WWP1: variants seen among roughly 807,000 people sequenced by gnomAD.
The protein encoded by WWP1 is NEDD4-like E3 ubiquitin-protein ligase WWP1.
In WWP1, 49 loss-of-function variants were observed where a neutral mutation model predicts 130.6. That is an observed-to-expected ratio of 0.38 (90% confidence interval 0.30 to 0.48). The LOEUF (loss-of-function observed/expected upper bound fraction) is 0.48, where lower values mean the gene tolerates loss of function less well. Among genes scored for constraint, WWP1 ranks in the 20% least tolerant of loss-of-function variants. The probability of loss-of-function intolerance (pLI) is 0.99; values close to 1 mark genes in which losing one functional copy is unlikely to be tolerated. For synonymous variants in WWP1, 332 were observed against 367.8 expected (o/e 0.90, Z 1.11); for missense variants, 809 against 1,100.6 (o/e 0.74, Z 3.75).
chr8:86,387,144 C>G (rs1825331150), intron 5 of WWP1: 1 of 152,188 alleles, frequency 6.6e-6, no homozygotes, highest in South Asian at 2.1e-4. Context: ...CAGACTGAAG[C>G]AGAGGTGGTC....
chr8:86,459,142 G>A (rs1387136914), intron 22 of WWP1, among the ~76,000 whole-genome samples: 4 of 139,752 alleles, frequency 2.9e-5, no homozygotes, highest in South Asian at 2.4e-4. Context: ...TGATTCTCCC[G>A]CCTCAGCACC....
chr8:86,466,954 A>G lies in WWP1; in HGVS notation c.*61A>G. On this transcript the variant is annotated 3_prime_UTR_variant, in exon 25 of 25. Transcript: ENST00000517970. ...AAATACCCCAGCCAAGAAAAATTGC[A>G]CAGATAGTGTATATAAGCTGTTCAT... 2.4e-6 allele frequency: 3 copies of G among 1,263,244 alleles called. No individual in the cohort carries two copies. The South Asian group carries it at 3.7e-5, about 16-fold the overall frequency. The allele number at this position is 1,263,244 out of a possible 1,614,324, so 78.3% of individuals were successfully genotyped here.
rs78014582 is a variant in WWP1 at position 86,413,418 on chromosome 8, C to G, written c.1061+1544C>G. Among the ~76,000 whole-genome samples, 388 of 152,190 alleles carry G rather than the reference C, an allele frequency of 2.5e-3. 5 individuals carry two copies. In the East Asian group the frequency reaches 0.064, roughly 25 times the overall value. Reference sequence around the variant, plus strand: ...GAGGGGAAGAGAAGTAGACAATCAGCCAGCATACAGTACAATTAAAGCTAT... The same window carrying G: ...GAGGGGAAGAGAAGTAGACAATCAGGCAGCATACAGTACAATTAAAGCTAT... On this transcript the variant is annotated intron_variant, in intron 9 of 24. Transcript: ENST00000517970.
intron 1 of WWP1, among the ~76,000 whole-genome samples, chr8:86,358,907 A>G (rs1016311215): frequency 6.6e-6 from 1 of 152,118 alleles, no homozygotes; most frequent in Non-Finnish European, 1.5e-5. Flanking sequence ...AGAGATAGAG[A>G]AAAAAACATG....
At chr8:86,401,903 TAAAA>T (rs1808001049) in intron 7 of WWP1, 112 bp from the exon 8 acceptor site, 1 of 1,095,220 alleles carries the variant, frequency 9.1e-7, no homozygotes. Context: ...TAAAAAATTT[TAAAA>T]AAGAAATAAC....
intron 5 of WWP1, among the ~76,000 whole-genome samples, chr8:86,397,121 T>A (rs1300724488): frequency 6.6e-6 from 1 of 152,164 alleles, no homozygotes; most frequent in Non-Finnish European, 1.5e-5. Flanking sequence ...ATGCTGGACA[T>A]TTGGTAAATG....
chr8:86,414,673 T>A (rs981327088), intron 9 of WWP1, among the ~76,000 whole-genome samples: 1 of 152,324 alleles, frequency 6.6e-6, no homozygotes, highest in East Asian at 1.9e-4. Context: ...TCCTGTTGAT[T>A]GTAATGTACA....
intron 3 of WWP1, among the ~76,000 whole-genome samples, chr8:86,380,302 A>C (rs191361327): frequency 5.9e-5 from 9 of 152,270 alleles, no homozygotes; most frequent in African/African-American, 1.9e-4. Flanking sequence ...CAGAATAGGC[A>C]AATTTAAAGA....
At chr8:86,369,501 G>A (rs541693557) in intron 2 of WWP1, among the ~76,000 whole-genome samples, 207 of 152,118 alleles carry the variant, frequency 1.4e-3, no homozygotes, top group African/African-American at 4.8e-3. Flanking sequence ...TTGGGGGTGG[G>A]GATCAGGGTA....
At chr8:86,406,702 T>C (rs1024084566) in intron 8 of WWP1, among the ~76,000 whole-genome samples, 2 of 152,164 alleles carry the variant, frequency 1.3e-5, no homozygotes, top group Non-Finnish European at 2.9e-5. Context: ...GTCACACATA[T>C]GGCTTCATGT....
At chr8:86,438,753 G>T in intron 17 of WWP1, 80 bp downstream of exon 17, 1 of 1,163,740 alleles carries the variant, frequency 8.6e-7, no homozygotes. Context: ...AAACATATGT[G>T]AATATATTGT....
Position 86,468,310 on chromosome 8 carries a change from G to A in WWP1, c.*1417G>A, listed in dbSNP as rs1323986231. The A allele has an allele frequency of 2.3e-6, 1 of 429,636 alleles. No homozygotes were observed. Among genetic ancestry groups the A allele is most frequent in the Admixed American group, 2.9e-5 (1 of 34,598 alleles). The allele number at this position is 429,636 out of a possible 1,614,324, so 26.6% of individuals were successfully genotyped here. On this transcript the variant is annotated 3_prime_UTR_variant, in exon 25 of 25. Coordinates refer to ENST00000517970, the MANE Select transcript of WWP1 (RefSeq NM_007013.4). ...TTATTTTTCTACATATTGAGAGTGT[G>A]TTCTCCATTTTATTCAGAATTCATA...
chr8:86,365,365 T>C (rs1762548465), intron 1 of WWP1, among the ~76,000 whole-genome samples: 1 of 152,226 alleles, frequency 6.6e-6, no homozygotes, highest in Non-Finnish European at 1.5e-5. Flanking sequence ...TATTAGATTC[T>C]GTGGTTAGAT....
At chr8:86,451,611 G>T (rs1811183514) in intron 20 of WWP1, among the ~76,000 whole-genome samples, 3 of 152,152 alleles carry the variant, frequency 2.0e-5, no homozygotes, top group Non-Finnish European at 4.4e-5. Flanking sequence ...GACAAAGAGG[G>T]TTTAGTAATT....
intron 17 of WWP1, among the ~76,000 whole-genome samples, chr8:86,440,439 A>C (rs1810530295): frequency 6.6e-6 from 1 of 152,132 alleles, no homozygotes; most frequent in African/African-American, 2.4e-5. Context: ...ACTAGATATA[A>C]ATTTCTCGCA....
At chr8:86,386,054 T>G (rs951205055) in intron 5 of WWP1, among the ~76,000 whole-genome samples, 1 of 152,142 alleles carries the variant, frequency 6.6e-6, no homozygotes, top group Non-Finnish European at 1.5e-5. Context: ...CCTTACCGAG[T>G]CTTAGTTCAG....
At chr8:86,400,922 G>T (rs1258188241) in intron 7 of WWP1, among the ~76,000 whole-genome samples, 4 of 151,966 alleles carry the variant, frequency 2.6e-5, no homozygotes, top group Non-Finnish European at 5.9e-5. Flanking sequence ...AGGCTGCTCT[G>T]TGGAGAGCAG....
chr8:86,432,486 A>G (rs1301801851), intron 14 of WWP1, among the ~76,000 whole-genome samples: 2 of 151,478 alleles, frequency 1.3e-5, no homozygotes, highest in African/African-American at 4.9e-5. Context: ...TTGCATTATC[A>G]GGTTTTATTT....
At chr8:86,400,201 G>A in intron 7 of WWP1, among the ~76,000 whole-genome samples, 1 of 151,996 alleles carries the variant, frequency 6.6e-6, no homozygotes, top group East Asian at 1.9e-4. Context: ...GCATGGTGGT[G>A]CGCACCTGTA....
Sources: allele counts gnomAD v4.1 joint callset (sites outside exome capture counted in the v4.1 genomes callset), GRCh38; gene constraint gnomAD v4.1.1; transcripts MANE v1.5; gene names NCBI Gene and HGNC (gene_info 2026-07-23, HGNC 2026-07-21).